Variants in TMEM267 observed in about 807,000 individuals in gnomAD.
The protein encoded by TMEM267 is transmembrane protein 267.
TMEM267 carries 20 observed loss-of-function variants against 19.3 expected under a neutral mutation model. That is an observed-to-expected ratio of 1.04 (90% confidence interval 0.73 to 1.51). The LOEUF (loss-of-function observed/expected upper bound fraction) is 1.51, where lower values mean the gene tolerates loss of function less well. Among genes scored for constraint, TMEM267 ranks in the 40% most tolerant of loss-of-function variants. The pLI is 0.00. For missense variants in TMEM267, 242 were observed against 261.9 expected (o/e 0.92, Z 0.52); for synonymous variants, 88 against 90.3 (o/e 0.97, Z 0.15).
chr5:43,454,358 C>T (rs532408810), intron 1 of TMEM267: 42 of 161,134 alleles, frequency 2.6e-4, no homozygotes, highest in Non-Finnish European at 5.0e-4. Context: ...GGTGAATATC[C>T]GTTGGGTTTG....
chr5:43,455,476 A>G lies in TMEM267; in HGVS notation c.-74-1433T>C, dbSNP rs186658315. On this transcript the variant is annotated intron_variant, in intron 1 of 2. Transcript: ENST00000397080. ...GTGTAGTATTGGTATAATGACAGAC[A>G]TACAGACTAACAAAACAGAATACAG... 2.6e-5 allele frequency among the ~76,000 whole-genome samples: 4 copies of G among 152,246 alleles called. No homozygotes were observed. The East Asian group carries it at 7.7e-4, about 29-fold the overall frequency.
Position 43,446,026 on chromosome 5 carries a change from A to G in TMEM267, c.*196T>C, listed in dbSNP as rs1742213161. The G allele has an allele frequency of 2.5e-6, 1 of 396,782 alleles. No homozygotes were observed. Among genetic ancestry groups the G allele is most frequent in the South Asian group, 5.1e-5 (1 of 19,618 alleles). 24.6% of individuals were successfully genotyped at this position (396,782 alleles called of 1,614,324 possible). The stretch of plus-strand genomic sequence containing the variant: ...ACTCTAATATTGCACTAGAGTTGTC[A>G]TAGAAGAGAGAAGTAGAATAATAAC... On this transcript the variant is annotated 3_prime_UTR_variant, in exon 3 of 3. Transcript: ENST00000397080.
Position 43,453,707 on chromosome 5 carries a change from GA to G in TMEM267, c.262del (p.Ser88LeufsTer5), listed in dbSNP as rs1322553766. The G allele has an allele frequency of 6.8e-6, 11 of 1,613,968 alleles. No homozygotes were observed. Among genetic ancestry groups the G allele is most frequent in the Non-Finnish European group, 7.6e-6 (9 of 1,179,958 alleles). ...GEIILAGFLA[S>X]VIDVDHFFLA... ...AAAAAAGTGGTCTACATCAATAACAGAGGCTAAAAATCCAGCTAAAATGATT... is the reference window on the plus strand; with the variant it reads ...AAAAAAGTGGTCTACATCAATAACAGGGCTAAAAATCCAGCTAAAATGATT... On this transcript the variant is annotated frameshift_variant, in exon 2 of 3. Transcript: ENST00000397080. LOFTEE classifies it high-confidence loss of function.
intron 1 of TMEM267, among the ~76,000 whole-genome samples, chr5:43,461,953 C>T (rs1008605214): frequency 6.6e-6 from 1 of 152,134 alleles, no homozygotes; most frequent in Non-Finnish European, 1.5e-5. Flanking sequence ...TAGGCAGTAG[C>T]CAGGAAGTGA....
chr5:43,453,568 A>T lies in TMEM267; in HGVS notation c.312+90T>A, dbSNP rs917626525. 28 of 1,193,596 alleles carry T rather than the reference A, an allele frequency of 2.3e-5. 1 individual carries two copies. The African/African-American group carries it at 2.9e-4, about 13-fold the overall frequency. The allele number at this position is 1,193,596 out of a possible 1,614,324, so 73.9% of individuals were successfully genotyped here. On this transcript the variant is annotated intron_variant, in intron 2 of 2. Transcript: ENST00000397080. ...AATGTGCTTTCCTATTTTAAGACAA[A>T]TCCTCTCTAGTTCTAAATGATGCTG...
intron 1 of TMEM267, among the ~76,000 whole-genome samples, chr5:43,457,175 C>T (rs6451697): frequency 6.6e-6 from 1 of 151,936 alleles, no homozygotes; most frequent in East Asian, 1.9e-4. Flanking sequence ...AAAGTATGGA[C>T]TTTAGTCAAA....
rs865811846 is a variant in TMEM267, at chr5:43,475,895, G to A, written c.-75+7927C>T. 3.3e-5 allele frequency among the ~76,000 whole-genome samples: 5 copies of A among 152,190 alleles called. No individual in the cohort carries two copies. In the South Asian group the frequency reaches 1.0e-3, roughly 31 times the overall value. ...CTCTATTAAAAGATGAAAAAGATCA[G>A]TTAACTAGAGCTCTAATGGCTTTGT... On this transcript the variant is annotated intron_variant, in intron 1 of 2. Coordinates refer to ENST00000397080, the MANE Select transcript of TMEM267 (RefSeq NM_022483.5).
At chr5:43,451,027 C>T (rs931637865) in intron 2 of TMEM267, among the ~76,000 whole-genome samples, 11 of 151,808 alleles carry the variant, frequency 7.2e-5, no homozygotes, top group Admixed American at 6.6e-4. Flanking sequence ...TTAGTAGAGA[C>T]GGGATTTCAC....
At chr5:43,460,473 A>G (rs755595402) in intron 1 of TMEM267, among the ~76,000 whole-genome samples, 7 of 152,184 alleles carry the variant, frequency 4.6e-5, no homozygotes, top group African/African-American at 4.8e-5. Context: ...AAATACCTTC[A>G]TAAGAACCAA....
intron 1 of TMEM267, among the ~76,000 whole-genome samples, chr5:43,479,257 A>T (rs1459461057): frequency 1.3e-5 from 2 of 151,964 alleles, no homozygotes; most frequent in African/African-American, 4.8e-5. Flanking sequence ...TTTTGTTAAA[A>T]AATATATACA....
In TMEM267 at chr5:43,446,532, G is replaced by T; in HGVS notation, c.338C>A (p.Pro113His). The change falls in exon 3 of 3, where the codon CCT (proline) becomes CAT (histidine). Residue 113 changes from proline to histidine, a missense_variant. Pro to His is a moderately conservative substitution (Grantham distance 77, BLOSUM62 -2). Coordinates refer to ENST00000397080, the MANE Select transcript of TMEM267 (RefSeq NM_022483.5). ...LKAALTLPRR[P>H]FLHCSTVIPV... is the part of the protein sequence containing the mutation. Reference sequence around the variant, plus strand: ...AATCACAGTAGAACAGTGAAGGAAAGGTCTTCGCGGGAGAGTCAAAGCAGC... The same window carrying T: ...AATCACAGTAGAACAGTGAAGGAAATGTCTTCGCGGGAGAGTCAAAGCAGC... The T allele has an allele frequency of 6.2e-7, 1 of 1,611,612 alleles. No individual in the cohort carries two copies. Among genetic ancestry groups the T allele is most frequent in the Non-Finnish European group, 8.5e-7 (1 of 1,178,252 alleles).
chr5:43,483,574 G>A (rs1408513047), intron 1 of TMEM267, among the ~76,000 whole-genome samples: 1 of 152,172 alleles, frequency 6.6e-6, no homozygotes, highest in Admixed American at 6.5e-5. Flanking sequence ...GAAGCCGGAG[G>A]GCGGCGCCAG....
At chr5:43,468,165 A>G (rs564448026) in intron 1 of TMEM267, among the ~76,000 whole-genome samples, 5 of 152,260 alleles carry the variant, frequency 3.3e-5, no homozygotes, top group African/African-American at 1.2e-4. Context: ...TACAGAAGTA[A>G]AGTAGGCAAA....
upstream of TMEM267, chr5:43,484,281 C>T (rs1006640873): frequency 2.0e-5 from 3 of 152,216 alleles, no homozygotes; most frequent in South Asian, 4.1e-4. Context: ...AGCTGGGAGC[C>T]TCGGCCGTCG....
chr5:43,475,989 G>A (rs921388876), intron 1 of TMEM267: 2 of 152,254 alleles, frequency 1.3e-5, no homozygotes, highest in Admixed American at 6.5e-5. Context: ...ATAGTTCTGG[G>A]TACTGTTGGC....
chr5:43,475,921 A>T (rs1744394493), intron 1 of TMEM267, among the ~76,000 whole-genome samples: 1 of 152,242 alleles, frequency 6.6e-6, no homozygotes, highest in Non-Finnish European at 1.5e-5. Context: ...ATGGCTTTGT[A>T]CTGTATCAAC....
At chr5:43,451,165 A>G (rs1035239959) in intron 2 of TMEM267, among the ~76,000 whole-genome samples, 13 of 152,164 alleles carry the variant, frequency 8.5e-5, no homozygotes, top group African/African-American at 3.1e-4. Context: ...GTCACTTATC[A>G]TGCTTATTTA....
At chr5:43,458,924 G>A (rs374183735) in intron 1 of TMEM267, among the ~76,000 whole-genome samples, 1 of 150,008 alleles carries the variant, frequency 6.7e-6, no homozygotes, top group African/African-American at 2.5e-5. Context: ...AGCTTAAGGG[G>A]AAAATATAAG....
chr5:43,455,349 G>A (rs528354999), intron 1 of TMEM267, among the ~76,000 whole-genome samples: 39 of 151,908 alleles, frequency 2.6e-4, no homozygotes, highest in South Asian at 8.4e-4. Context: ...CTTAAGCCCC[G>A]GAGGTTGAGG....
Sources: allele counts gnomAD v4.1 joint callset (sites outside exome capture counted in the v4.1 genomes callset), GRCh38; gene constraint gnomAD v4.1.1; transcripts MANE v1.5; gene names NCBI Gene and HGNC (gene_info 2026-07-23, HGNC 2026-07-21).